TTPAL: variants seen among roughly 807,000 people sequenced by gnomAD.
The protein encoded by TTPAL is alpha tocopherol transfer protein like.
In TTPAL, 21 loss-of-function variants were observed where a neutral mutation model predicts 28.7. The ratio of observed to expected loss-of-function variants is 0.73; its 90% CI spans 0.52 to 1.06. TTPAL has a LOEUF of 1.06. TTPAL is among the 50% of genes least tolerant of loss of function. The pLI, the probability that TTPAL is intolerant of heterozygous loss-of-function variation, is 0.00. For synonymous variants in TTPAL, 169 were observed against 171.9 expected (o/e 0.98, Z 0.13); for missense variants, 345 against 425.5 (o/e 0.81, Z 1.67).
chr20:44,493,707 G>A lies in TTPAL; in HGVS notation c.*4166G>A, dbSNP rs988385133. 2 of 152,274 alleles carry A rather than the reference G, an allele frequency of 1.3e-5. No homozygotes were observed. The highest frequency in any genetic ancestry group is 2.9e-5 in the Non-Finnish European group (2 of 68,040). 9.4% of individuals were successfully genotyped at this position (152,274 alleles called of 1,614,324 possible). A position where few individuals can be genotyped will look rare whatever the true frequency, so the allele number is the denominator to read the frequency against. Reference sequence around the variant, plus strand: ...ATGTCAGTTCTGGTAACACCTCTCTGTATTGGGATCTGTTAATTTTGTAAA... The same window carrying A: ...ATGTCAGTTCTGGTAACACCTCTCTATATTGGGATCTGTTAATTTTGTAAA... On this transcript the variant is annotated 3_prime_UTR_variant, in exon 5 of 5. Transcript: ENST00000262605.
At chr20:44,485,816 C>G (rs1333878919) in intron 3 of TTPAL, 1 of 152,124 alleles carries the variant, frequency 6.6e-6, no homozygotes, top group African/African-American at 2.4e-5. Context: ...ATAGCATGTC[C>G]CTTTCTTGTG....
rs1157298307 is a variant in TTPAL at position 44,491,607 on chromosome 20, G to A, written c.*2066G>A. 1 of 152,280 alleles carries A rather than the reference G, an allele frequency of 6.6e-6. No individual in the cohort carries two copies. The highest frequency in any genetic ancestry group is 1.5e-5 in the Non-Finnish European group (1 of 68,042). The allele number at this position is 152,280 out of a possible 1,614,324, so 9.4% of individuals were successfully genotyped here. ...CTTTTCACCATGGATAGTAACCCTG[G>A]ATCCTCTACGGTACTGGCTGAGCTG... is the stretch of plus-strand genomic sequence containing the variant. On this transcript the variant is annotated 3_prime_UTR_variant, in exon 5 of 5. Transcript: ENST00000262605.
intron 1 of TTPAL, among the ~76,000 whole-genome samples, chr20:44,477,438 C>T (rs530538509): frequency 4.6e-5 from 7 of 152,064 alleles, no homozygotes; most frequent in Non-Finnish European, 1.0e-4. Context: ...CAGACAATTG[C>T]AACAGGGTGG....
intron 4 of TTPAL, among the ~76,000 whole-genome samples, chr20:44,487,751 A>G (rs375358293): frequency 6.6e-6 from 1 of 152,030 alleles, no homozygotes; most frequent in South Asian, 2.1e-4. Context: ...CACTGCAAAG[A>G]CTGGGCCCTG....
In TTPAL at chr20:44,480,738, T is replaced by C. The variant is rs1157974267; in HGVS notation, c.445+294T>C. Among the ~76,000 whole-genome samples the C allele has an allele frequency of 6.6e-6, 1 of 152,204 alleles. No homozygotes were observed. Among genetic ancestry groups the C allele is most frequent in the East Asian group, 1.9e-4 (1 of 5,196 alleles). ...CAGGAGCCAAGACAGCCGTTCTCCCTGTCTCTGCCTGACGGTCTGTGTATC... is the reference window on the plus strand; with the variant it reads ...CAGGAGCCAAGACAGCCGTTCTCCCCGTCTCTGCCTGACGGTCTGTGTATC... On this transcript the variant is annotated intron_variant, in intron 2 of 4. Coordinates refer to ENST00000262605, the MANE Select transcript of TTPAL (RefSeq NM_001039199.3). The surrounding 1 kb of genome is among the most constrained non-coding windows in gnomAD (Gnocchi z 4.1).
In TTPAL at chr20:44,480,964, T is replaced by C. The variant is rs1299588529; in HGVS notation, c.445+520T>C. Among the ~76,000 whole-genome samples the C allele has an allele frequency of 7.9e-5, 12 of 152,102 alleles. No individual in the cohort carries two copies. Among genetic ancestry groups the C allele is most frequent in the African/African-American group, 2.4e-4 (10 of 41,390 alleles). ...GGGCCTAAGAATCTGCCCCTGGCCA[T>C]AGGATACAAGCATGACTGCCAGGGC... On this transcript the variant is annotated intron_variant, in intron 2 of 4. Coordinates refer to ENST00000262605, the MANE Select transcript of TTPAL (RefSeq NM_001039199.3). The surrounding 1 kb of genome is among the most constrained non-coding windows in gnomAD (Gnocchi z 4.1).
chr20:44,489,346 T>C lies in TTPAL; in HGVS notation c.834T>C (p.Ala278=). ...TCCCCAAGGAGTATGGGGGCACGGC[T>C]GGGGAGCTGGACACTGCCACCTGGA... ...SILPKEYGGT[A]GELDTATWNA... is the part of the protein sequence containing the mutation. The change falls in exon 5 of 5, where the codon GCT becomes GCC. Residue 278 remains alanine (A), a synonymous_variant. Coordinates refer to ENST00000262605, the MANE Select transcript of TTPAL (RefSeq NM_001039199.3). 6.2e-7 allele frequency: 1 copy of C among 1,614,142 alleles called. No homozygotes were observed. The highest frequency in any genetic ancestry group is 8.5e-7 in the Non-Finnish European group (1 of 1,180,022).
At chr20:44,482,527 C>G (rs1382429085) in intron 2 of TTPAL, among the ~76,000 whole-genome samples, 1 of 148,724 alleles carries the variant, frequency 6.7e-6, no homozygotes, top group Non-Finnish European at 1.5e-5. Context: ...GAGCCGAGAT[C>G]ACGCCACTGC....
intron 1 of TTPAL, among the ~76,000 whole-genome samples, chr20:44,479,467 C>T (rs1020303433): frequency 7.8e-6 from 1 of 127,598 alleles, no homozygotes; most frequent in Non-Finnish European, 1.6e-5. Context: ...AGCGCCATCT[C>T]GGCTCACTGC....
Position 44,480,641 on chromosome 20 carries a change from C to T in TTPAL, c.445+197C>T, listed in dbSNP as rs1205104380. On this transcript the variant is annotated intron_variant, in intron 2 of 4. Coordinates refer to ENST00000262605, the MANE Select transcript of TTPAL (RefSeq NM_001039199.3). The surrounding 1 kb of genome is among the most constrained non-coding windows in gnomAD (Gnocchi z 4.1). ...GGATTTAGTCGAAGGAGACAGGAGT[C>T]CCTCCCAGAACCAGAGAGCTGAAGG... Among the ~76,000 whole-genome samples, 1 of 152,172 alleles carries T rather than the reference C, an allele frequency of 6.6e-6. No homozygotes were observed. Among genetic ancestry groups the T allele is most frequent in the African/African-American group, 2.4e-5 (1 of 41,432 alleles).
chr20:44,478,174 T>C (rs1344021726), intron 1 of TTPAL, among the ~76,000 whole-genome samples: 1 of 152,092 alleles, frequency 6.6e-6, no homozygotes, highest in Non-Finnish European at 1.5e-5. Flanking sequence ...GACACTAGGA[T>C]GAGGTTAGAC....
At position 44,480,582 on chromosome 20, in the gene TTPAL, C is replaced by T; in HGVS notation, c.445+138C>T. Reference sequence around the variant, plus strand: ...AAGGCTCTTTTGATTGCAGATAACACAAACCTACTCAAACCAACTTCAGAA... The same window carrying T: ...AAGGCTCTTTTGATTGCAGATAACATAAACCTACTCAAACCAACTTCAGAA... On this transcript the variant is annotated intron_variant, in intron 2 of 4. Coordinates refer to ENST00000262605, the MANE Select transcript of TTPAL (RefSeq NM_001039199.3). This position sits in a 1 kb window ranked among gnomAD's most constrained non-coding sequence, Gnocchi z 4.1. 1.3e-6 allele frequency: 1 copy of T among 785,836 alleles called. No homozygotes were observed. Among genetic ancestry groups the T allele is most frequent in the Non-Finnish European group, 2.0e-6 (1 of 510,384 alleles). The allele number at this position is 785,836 out of a possible 1,614,324, so 48.7% of individuals were successfully genotyped here. A position where few individuals can be genotyped will look rare whatever the true frequency, so the allele number is the denominator to read the frequency against.
chr20:44,477,917 A>C (rs1452066210), intron 1 of TTPAL, among the ~76,000 whole-genome samples: 1 of 152,148 alleles, frequency 6.6e-6, no homozygotes, highest in Non-Finnish European at 1.5e-5. Flanking sequence ...AGCCTACCAA[A>C]GTGTTGGGAT....
intron 2 of TTPAL, among the ~76,000 whole-genome samples, chr20:44,483,217 A>T (rs1003907649): frequency 1.3e-5 from 2 of 152,088 alleles, no homozygotes; most frequent in Non-Finnish European, 2.9e-5. Flanking sequence ...AAACAAAAAA[A>T]CCTCAGTTGC....
In TTPAL at chr20:44,492,311, G is replaced by T; in HGVS notation, c.*2770G>T. 1 of 152,496 alleles carries T rather than the reference G, an allele frequency of 6.6e-6. No individual in the cohort carries two copies. 9.4% of individuals were successfully genotyped at this position (152,496 alleles called of 1,614,324 possible). On this transcript the variant is annotated 3_prime_UTR_variant, in exon 5 of 5. Coordinates refer to ENST00000262605, the MANE Select transcript of TTPAL (RefSeq NM_001039199.3). ...CAAACCCATGAACCTCAAGAACTGG[G>T]AGTATGTTCCTTCAGGGAGAAGTTC... is the stretch of plus-strand genomic sequence containing the variant.
In TTPAL at chr20:44,494,305, C is replaced by A. The variant is rs2123007973; in HGVS notation, c.*4764C>A. 1 of 152,856 alleles carries A rather than the reference C, an allele frequency of 6.5e-6. No individual in the cohort carries two copies. The highest frequency in any genetic ancestry group is 3.4e-3 in the Middle Eastern group (1 of 294). 9.5% of individuals were successfully genotyped at this position (152,856 alleles called of 1,614,324 possible). ...GCTTCTTGGCATATCAGGTAGGAAC[C>A]TGTTACAAGTGAAATACTTGAAACC... On this transcript the variant is annotated 3_prime_UTR_variant, in exon 5 of 5. Coordinates refer to ENST00000262605, the MANE Select transcript of TTPAL (RefSeq NM_001039199.3).
intron 3 of TTPAL, among the ~76,000 whole-genome samples, chr20:44,485,091 T>G (rs548217487): frequency 5.9e-5 from 9 of 152,216 alleles, no homozygotes; most frequent in African/African-American, 2.2e-4. Flanking sequence ...CCAGCCTGGG[T>G]GAGAACAGCA....
intron 2 of TTPAL, among the ~76,000 whole-genome samples, chr20:44,483,338 C>G (rs2064123743): frequency 6.6e-6 from 1 of 152,230 alleles, no homozygotes; most frequent in Non-Finnish European, 1.5e-5. Context: ...CAGGCCAGCT[C>G]TCTTGCCTCA....
chr20:44,484,831 TG>T (rs1224314600), intron 3 of TTPAL, among the ~76,000 whole-genome samples: 1 of 152,066 alleles, frequency 6.6e-6, no homozygotes, highest in Non-Finnish European at 1.5e-5. Context: ...CAAACAAAAC[TG>T]GCTGGGCGCG....
Sources: allele counts gnomAD v4.1 joint callset (sites outside exome capture counted in the v4.1 genomes callset), GRCh38; gene constraint gnomAD v4.1.1; non-coding constraint Gnocchi (gnomAD v3.1); transcripts MANE v1.5; gene names NCBI Gene and HGNC (gene_info 2026-07-23, HGNC 2026-07-21).